PCSK4: variants seen among roughly 807,000 people sequenced by gnomAD.
PCSK4 encodes the protein proprotein convertase subtilisin/kexin type 4, also known as testicular tissue protein Li 135.
In PCSK4, 64 loss-of-function variants were observed where a neutral mutation model predicts 80.3. The ratio of observed to expected loss-of-function variants is 0.80; its 90% confidence interval spans 0.65 to 0.98. The LOEUF (loss-of-function observed/expected upper bound fraction) is 0.98, where lower values mean the gene tolerates loss of function less well. Among genes scored for constraint, PCSK4 ranks in the 50% least tolerant of loss-of-function variants. The pLI, the probability that PCSK4 is intolerant of heterozygous loss-of-function variation, is 0.00. For missense variants in PCSK4, 1,213 were observed against 1,093.6 expected (o/e 1.11, Z -1.54); for synonymous variants, 561 against 487.6 (o/e 1.15, Z -1.98).
Position 1,487,085 on chromosome 19 carries a change from G to A in PCSK4, c.856-20C>T, listed in dbSNP as rs762461740. 37 of 1,602,622 alleles carry A rather than the reference G, an allele frequency of 2.3e-5. No individual in the cohort carries two copies. The Admixed American group carries it at 2.8e-4, about 12-fold the overall frequency. On this transcript the variant is annotated intron_variant, in intron 7 of 14. Coordinates refer to ENST00000300954, the Ensembl canonical transcript of PCSK4. ...GCGGCCCTGGGAAACCAGGAGGGGC[G>A]GGGAGGGGGCGTCGGCCTGGCCTGC...
intron 1 of PCSK4, 64 bp from the exon 2 acceptor site, chr19:1,489,961 C>T (rs2084855611): frequency 1.9e-6 from 3 of 1,546,232 alleles, no homozygotes; most frequent in Non-Finnish European, 2.6e-6. Context: ...CCCCCGAGGG[C>T]CGGTAACAGC....
chr19:1,482,481 C>G lies in PCSK4; in HGVS notation c.1697-6G>C. On this transcript the variant is annotated splice_polypyrimidine_tract_variant and splice_region_variant and intron_variant, in intron 13 of 14. Transcript: ENST00000300954. ...CGTGTAGCGGTACAACGTCCCTGGA[C>G]AGGGGTCGCGGGTGGGCACAGGAGG... The G allele has an allele frequency of 6.3e-7, 1 of 1,599,264 alleles. No individual in the cohort carries two copies. The highest frequency in any genetic ancestry group is 1.7e-5 in the Admixed American group (1 of 59,778).
intron 8 of PCSK4, among the ~76,000 whole-genome samples, chr19:1,485,828 G>A (rs895831890): frequency 3.3e-5 from 5 of 151,872 alleles, no homozygotes; most frequent in South Asian, 2.1e-4. Context: ...CTGAGATCGC[G>A]CCACTGCACT....
rs749353260 is a variant in PCSK4 at position 1,482,093 on chromosome 19, G to A, written c.1934C>T (p.Ala645Val). Residue 645 changes from alanine (A) to valine (V), a missense_variant, in exon 15 of 15, where the codon GCG (alanine) becomes GTG (valine). Ala to Val is a moderately conservative substitution (Grantham distance 64). Transcript: ENST00000300954. ...ATGGCAGCTGGAGCAGACCCTCAGC[G>A]CGGGCGCCGCCGTGTGCCCAGGCCC... 4.8e-5 allele frequency: 75 copies of A among 1,550,406 alleles called. 1 individual carries two copies. The South Asian group carries it at 7.4e-4, about 15-fold the overall frequency.
rs1274640650 is a variant in PCSK4, at chr19:1,487,594, C to T, written c.682+9G>A. 1.3e-6 allele frequency: 2 copies of T among 1,548,642 alleles called. No homozygotes were observed. The highest frequency in any genetic ancestry group is 1.2e-5 in the South Asian group (1 of 84,082). On this transcript the variant is annotated intron_variant, in intron 6 of 14. Coordinates refer to ENST00000300954, the Ensembl canonical transcript of PCSK4. ...TCCCGGAATGGTGCCGCTGGGGGACCCCGGGTACCTCCGATTCGGGCGTTG... is the reference window on the plus strand; with the variant it reads ...TCCCGGAATGGTGCCGCTGGGGGACTCCGGGTACCTCCGATTCGGGCGTTG...
At chr19:1,488,158 C>T (rs771181088) in intron 3 of PCSK4, 30 bp downstream of exon 3, 3 of 1,613,352 alleles carry the variant, frequency 1.9e-6, no homozygotes, top group Non-Finnish European at 2.5e-6. Context: ...CGGCCCCGTC[C>T]CCGTCTACCC....
In PCSK4 at chr19:1,483,785, A is replaced by T. The variant is rs775283992; in HGVS notation, c.1274-18T>A. 3 of 1,558,840 alleles carry T rather than the reference A, an allele frequency of 1.9e-6. No individual in the cohort carries two copies. The South Asian group carries it at 3.5e-5, about 18-fold the overall frequency. On this transcript the variant is annotated intron_variant, in intron 10 of 14. Coordinates refer to ENST00000300954, the Ensembl canonical transcript of PCSK4. The stretch of plus-strand genomic sequence containing the variant: ...ATGGCTCACTGCGCGGAAGGGCAGC[A>T]GTCACTCGCCCCGTGGGCCCCGGGT...
intron 1 of PCSK4, 26 bp downstream of exon 1, chr19:1,490,132 T>C (rs749752620): frequency 1.2e-6 from 2 of 1,612,634 alleles, no homozygotes; most frequent in South Asian, 1.1e-5. Context: ...AAGCCCCCAC[T>C]TCCCGTCTAT....
chr19:1,490,695 C>T (rs1046188753), upstream of PCSK4: 17 of 296,186 alleles, frequency 5.7e-5, no homozygotes, highest in African/African-American at 2.2e-4. Context: ...AGAATCAGCC[C>T]GGCCTCCTGT....
At chr19:1,482,806 T>A (rs1022839131) in intron 13 of PCSK4, 90 bp downstream of exon 13, 1 of 1,399,698 alleles carries the variant, frequency 7.1e-7, no homozygotes, top group East Asian at 2.3e-5. Flanking sequence ...GAACCCCTTT[T>A]GCAGTGCGGT....
intron 4 of PCSK4, 23 bp from the exon 5 acceptor site, chr19:1,487,884 G>C: frequency 1.3e-6 from 2 of 1,556,246 alleles, no homozygotes; most frequent in Non-Finnish European, 1.7e-6. Flanking sequence ...GGGGATATGA[G>C]GGGGCCGGGA....
At chr19:1,483,397 G>A in exon 12 of PCSK4, 1 of 1,605,112 alleles carries the variant, frequency 6.2e-7, no homozygotes, top group South Asian at 1.1e-5. Context: ...CCAGCGAGCG[G>A]ATGGAGTTGT....
At chr19:1,490,703 T>G (rs1276049425), upstream of PCSK4, 1 of 285,540 alleles carries the variant, frequency 3.5e-6, no homozygotes, top group Non-Finnish European at 6.6e-6. Flanking sequence ...CCCGGCCTCC[T>G]GTCCGGCCTA....
Position 1,483,816 on chromosome 19 carries a change from CCCCCGCCCGG to C in PCSK4, c.1273+12_1273+21del, listed in dbSNP as rs781068890. ...TCGCCCCGTGGGCCCCGGGTCCCCG[CCCCCGCCCGG>C]CCCCGCCGCACCTTGGCGCCCCACG... On this transcript the variant is annotated intron_variant, in intron 10 of 14. Transcript: ENST00000300954. The C allele has an allele frequency of 6.7e-7, 1 of 1,490,540 alleles. No homozygotes were observed. The highest frequency in any genetic ancestry group is 8.9e-7 in the Non-Finnish European group (1 of 1,128,134). 92.3% of individuals were successfully genotyped at this position (1,490,540 alleles called of 1,614,324 possible).
intron 13 of PCSK4, 158 bp downstream of exon 13, chr19:1,482,738 C>A: frequency 7.2e-6 from 6 of 828,034 alleles, no homozygotes; most frequent in Non-Finnish European, 1.1e-5. Flanking sequence ...CATTGCACAC[C>A]ATCTCCCGGG....
Position 1,482,990 on chromosome 19 carries a change from G to A in PCSK4, c.1602C>T (p.Asn534=), listed in dbSNP as rs1429952098. 1.3e-5 allele frequency: 17 copies of A among 1,341,554 alleles called. No homozygotes were observed. In the Admixed American group the frequency reaches 3.3e-4, roughly 26 times the overall value. 83.1% of individuals were successfully genotyped at this position (1,341,554 alleles called of 1,614,324 possible). A position where few individuals can be genotyped will look rare whatever the true frequency, so the allele number is the denominator to read the frequency against. ...AGTGGGTGGACATGAAGACCCAGTT[G>A]TTGTAGCCTTCAGTGCTGACGTCCA... Residue 534 remains asparagine, a synonymous_variant, in exon 13 of 15, where the codon AAC becomes AAT. Coordinates refer to ENST00000300954, the Ensembl canonical transcript of PCSK4.
chr19:1,489,556 G>T lies in PCSK4; in HGVS notation c.294+237C>A, dbSNP rs533600962. ...CTTACCAGAGCCCCTGGGGCCCAGA[G>T]GAGGGAGGGGGAGGACAAGAGGTGC... On this transcript the variant is annotated intron_variant, in intron 2 of 14. Transcript: ENST00000300954. 4.8e-5 allele frequency: 30 copies of T among 625,662 alleles called. No individual in the cohort carries two copies. The African/African-American group carries it at 5.0e-4, about 10-fold the overall frequency. 38.8% of individuals were successfully genotyped at this position (625,662 alleles called of 1,614,324 possible).
chr19:1,490,307 A>C, exon 1 of PCSK4: 1 of 1,515,028 alleles, frequency 6.6e-7, no homozygotes. Flanking sequence ...GCCAGGGCCA[A>C]GACCAGGCGC....
At chr19:1,489,081 C>T (rs791464) in intron 2 of PCSK4, among the ~76,000 whole-genome samples, 55,634 of 151,314 alleles carry the variant, frequency 0.37, 10,958 homozygotes, top group African/African-American at 0.5. Flanking sequence ...CCTTTCTGAG[C>T]GCCTGGACAC....
Sources: gnomAD v4.1 joint callset for allele counts (sites outside exome capture counted in the v4.1 genomes callset) on GRCh38, gnomAD v4.1.1 for gene constraint, MANE v1.5 for transcripts, NCBI Gene and HGNC (gene_info 2026-07-23, HGNC 2026-07-21) for gene names.